Variants in SYTL5 observed in about 807,000 individuals in gnomAD.
SYTL5 encodes the protein synaptotagmin-like protein 5.
SYTL5 carries 34 observed loss-of-function variants against 55.9 expected under a neutral mutation model. The ratio of observed to expected loss-of-function variants is 0.61; its 90% CI spans 0.46 to 0.81. The LOEUF (loss-of-function observed/expected upper bound fraction) is 0.81. Among genes scored for constraint, SYTL5 ranks in the 30% least tolerant of loss-of-function variants. The pLI, the probability that SYTL5 is intolerant of heterozygous loss-of-function variation, is 0.00. For missense variants in SYTL5, 637 were observed against 546.7 expected (o/e 1.17, Z -1.65); for synonymous variants, 221 against 188.7 (o/e 1.17, Z -1.40).
chrX:37,916,646 C>CTGAT, the SYTL5 span, among the ~76,000 whole-genome samples: 6 of 112,072 alleles, frequency 5.4e-5, no homozygotes, highest in African/African-American at 9.7e-5. Context: ...GGTTGAATGA[C>CTGAT]TGATTGATTT....
intron 8 of SYTL5, among the ~76,000 whole-genome samples, chrX:38,095,732 G>A (rs1936917894): frequency 9.1e-6 from 1 of 109,915 alleles, no homozygotes; most frequent in Non-Finnish European, 1.9e-5. Context: ...TGAAAACACA[G>A]TGAATTCTCT....
chrX:38,123,005 T>C (rs917475873), intron 15 of SYTL5, among the ~76,000 whole-genome samples: 4 of 112,851 alleles, frequency 3.5e-5, no homozygotes, highest in African/African-American at 1.3e-4. Context: ...ATTCCCATGA[T>C]GCCAGACCAT....
chrX:37,964,857 T>C, the SYTL5 span, among the ~76,000 whole-genome samples: 1 of 111,081 alleles, frequency 9.0e-6, no homozygotes, highest in South Asian at 3.8e-4. Context: ...ATCCTTCTAG[T>C]TTATCCAGTT....
intron 1 of SYTL5, among the ~76,000 whole-genome samples, chrX:38,017,589 C>G (rs1350212659): frequency 9.1e-6 from 1 of 109,704 alleles, no homozygotes. Flanking sequence ...TGGACCAAAC[C>G]GAAGATCAGG....
At chrX:38,051,123 A>T (rs1935610974) in intron 2 of SYTL5, among the ~76,000 whole-genome samples, 1 of 111,836 alleles carries the variant, frequency 8.9e-6, no homozygotes, top group Admixed American at 9.5e-5. Flanking sequence ...CTGAAGTGGG[A>T]AAGAACTTGG....
intron 2 of SYTL5, among the ~76,000 whole-genome samples, chrX:38,036,085 C>T (rs1281898772): frequency 9.1e-6 from 1 of 110,154 alleles, no homozygotes; most frequent in African/African-American, 3.3e-5. Context: ...GAGGGTGGAC[C>T]ACCTGAGGTC....
intron 1 of SYTL5, among the ~76,000 whole-genome samples, chrX:38,011,695 C>T (rs1397001972): frequency 9.0e-6 from 1 of 110,875 alleles, no homozygotes; most frequent in Non-Finnish European, 1.9e-5. Context: ...ATGTTGTACC[C>T]GTGTACTTAA....
intron 3 of SYTL5, among the ~76,000 whole-genome samples, chrX:38,070,146 C>A (rs1463668295): frequency 9.0e-6 from 1 of 111,452 alleles, no homozygotes; most frequent in Non-Finnish European, 1.9e-5. Context: ...TATAATTTAC[C>A]TTTGCCTCAG....
the SYTL5 span, among the ~76,000 whole-genome samples, chrX:37,958,084 C>G: frequency 0.36 from 39,124 of 108,949 alleles, 5,106 homozygotes; most frequent in East Asian, 0.6. Flanking sequence ...TAGTGGGCAC[C>G]TGTAATCCCA....
At chrX:38,036,165 T>A (rs5964284) in intron 2 of SYTL5, among the ~76,000 whole-genome samples, 24,714 of 105,252 alleles carry the variant, frequency 0.23, 5,270 homozygotes, top group African/African-American at 0.66. Flanking sequence ...AATTAGCGGG[T>A]CACAGTGGTG....
intron 5 of SYTL5, among the ~76,000 whole-genome samples, chrX:38,075,493 G>T (rs900392087): frequency 3.6e-5 from 4 of 111,303 alleles, no homozygotes; most frequent in African/African-American, 1.3e-4. Context: ...ACATCAAATT[G>T]TACATGAGAT....
At chrX:38,056,800 A>C (rs1203426169) in intron 3 of SYTL5, among the ~76,000 whole-genome samples, 1 of 111,560 alleles carries the variant, frequency 9.0e-6, no homozygotes, top group Admixed American at 9.5e-5. Context: ...GCCCATTTTA[A>C]TCAGATGATT....
chrX:37,916,140 C>T, the SYTL5 span, among the ~76,000 whole-genome samples: 12 of 111,889 alleles, frequency 1.1e-4, no homozygotes, highest in African/African-American at 2.9e-4. Flanking sequence ...TCTGATCTTG[C>T]TCTTGGATTC....
At chrX:38,005,856 A>G (rs1933974947), upstream of SYTL5, among the ~76,000 whole-genome samples, 1 of 111,804 alleles carries the variant, frequency 8.9e-6, no homozygotes, top group African/African-American at 3.2e-5. Context: ...GGACCTGGCT[A>G]TGGTAACATA....
At chrX:38,013,914 C>T (rs1180837280) in intron 1 of SYTL5, among the ~76,000 whole-genome samples, 2 of 111,100 alleles carry the variant, frequency 1.8e-5, no homozygotes, top group Admixed American at 1.9e-4. Flanking sequence ...ACCAACTCCT[C>T]CTCTCCTAGC....
chrX:38,084,344 G>A (rs1936618178), intron 6 of SYTL5, among the ~76,000 whole-genome samples: 1 of 111,886 alleles, frequency 8.9e-6, no homozygotes, highest in South Asian at 3.8e-4. Context: ...ATAATAAACT[G>A]GTTGATGTGT....
chrX:37,924,282 A>G, the SYTL5 span, among the ~76,000 whole-genome samples: 1 of 111,536 alleles, frequency 9.0e-6, no homozygotes, highest in Non-Finnish European at 1.9e-5. Context: ...TCTGATACTT[A>G]ACGACTATAT....
At chrX:37,977,792 G>C in the SYTL5 span, among the ~76,000 whole-genome samples, 1 of 108,832 alleles carries the variant, frequency 9.2e-6, no homozygotes, top group Admixed American at 9.9e-5. Flanking sequence ...AGGCTTTCTA[G>C]GAAGAGTAGG....
At chrX:37,913,896 A>T in the SYTL5 span, among the ~76,000 whole-genome samples, 1 of 111,840 alleles carries the variant, frequency 8.9e-6, no homozygotes, top group South Asian at 3.7e-4. Context: ...TCACTTCCCC[A>T]AACAAACTAC....
Sources: gnomAD v4.1 joint callset for allele counts (sites outside exome capture counted in the v4.1 genomes callset) on GRCh38, gnomAD v4.1.1 for gene constraint, MANE v1.5 for transcripts, NCBI Gene and HGNC (gene_info 2026-07-23, HGNC 2026-07-21) for gene names.